Variants in ROBO2 observed in about 807,000 individuals in gnomAD.
ROBO2 encodes the protein roundabout homolog 2.
In ROBO2, 53 loss-of-function variants were observed where a neutral mutation model predicts 160.8. The observed-to-expected ratio is 0.33, with a 90% CI of 0.26 to 0.41. ROBO2 has a LOEUF of 0.41. Among genes scored for constraint, ROBO2 ranks in the 10% least tolerant of loss-of-function variants. The probability of loss-of-function intolerance (pLI) is 1.00; values close to 1 mark genes in which losing one functional copy is unlikely to be tolerated. For synonymous variants in ROBO2, 664 were observed against 611.7 expected, an observed-to-expected ratio of 1.09 and a Z score of -1.26; for missense variants, 1,577 against 1,722.4, an observed-to-expected ratio of 0.92 and a Z score of 1.49.
intron 2 of ROBO2, among the ~76,000 whole-genome samples, chr3:77,410,106 T>C (rs181349787): frequency 6.6e-6 from 1 of 152,280 alleles, no homozygotes; most frequent in Admixed American, 6.5e-5. Flanking sequence ...TGCCTGATGA[T>C]TTGAAAAGTA....
intron 2 of ROBO2, among the ~76,000 whole-genome samples, chr3:76,803,793 C>T (rs1173533751): frequency 6.6e-6 from 1 of 152,012 alleles, no homozygotes; most frequent in African/African-American, 2.4e-5. Context: ...TAACAACTTC[C>T]AGGAAATGTT....
At chr3:75,921,931 A>G (rs774126932) in intron 1 of ROBO2, among the ~76,000 whole-genome samples, 16 of 152,130 alleles carry the variant, frequency 1.1e-4, no homozygotes, top group Non-Finnish European at 2.2e-4. Context: ...CAGTTTCTGT[A>G]TAGTTCCCAC....
intron 2 of ROBO2, among the ~76,000 whole-genome samples, chr3:76,403,011 CAGAA>C (rs1238624294): frequency 6.6e-6 from 1 of 151,570 alleles, no homozygotes; most frequent in Non-Finnish European, 1.5e-5. Flanking sequence ...GAGACTCTGA[CAGAA>C]AGACTGGGGC....
chr3:76,340,139 T>G (rs909316200), intron 2 of ROBO2, among the ~76,000 whole-genome samples: 1 of 150,008 alleles, frequency 6.7e-6, no homozygotes, highest in African/African-American at 2.4e-5. Flanking sequence ...AATTACGTAA[T>G]AAGAAGCTAG....
chr3:76,622,188 AAGAAAGGAAGG>A (rs1339310118), intron 2 of ROBO2, among the ~76,000 whole-genome samples: 7 of 45,274 alleles, frequency 1.5e-4, no homozygotes, highest in Non-Finnish European at 8.9e-5. Context: ...TACTAAAAAA[AAGAAAGGAAGG>A]AAGGAAGGAA....
At chr3:76,522,944 A>G (rs1469863570) in intron 2 of ROBO2, among the ~76,000 whole-genome samples, 1 of 149,772 alleles carries the variant, frequency 6.7e-6, no homozygotes, top group Non-Finnish European at 1.5e-5. Context: ...AGCTGTATAT[A>G]TTACATAATT....
At chr3:76,627,534 A>G (rs941497155) in intron 2 of ROBO2, among the ~76,000 whole-genome samples, 1 of 152,248 alleles carries the variant, frequency 6.6e-6, no homozygotes, top group African/African-American at 2.4e-5. Flanking sequence ...CAGCAGTACA[A>G]ATTTATAAGA....
chr3:77,056,849 A>G (rs1330740439), intron 1 of ROBO2, among the ~76,000 whole-genome samples: 1 of 152,230 alleles, frequency 6.6e-6, no homozygotes, highest in Admixed American at 6.5e-5. Context: ...ATGAATATAT[A>G]CATGTCACAC....
In ROBO2 at chr3:77,644,687, T is replaced by C; in HGVS notation, c.3935-17T>C. The C allele has an allele frequency of 1.2e-6, 2 of 1,611,934 alleles. No homozygotes were observed. Among genetic ancestry groups the C allele is most frequent in the Non-Finnish European group, 1.7e-6 (2 of 1,178,630 alleles). ...GTTTCTGTTCAATTTAGCCTTTGGG[T>C]TTTTTTTCTTTTTCAGAGGAGGCCT... On this transcript the variant is annotated splice_polypyrimidine_tract_variant and intron_variant, in intron 24 of 25. Transcript: ENST00000461745.
intron 2 of ROBO2, among the ~76,000 whole-genome samples, chr3:76,230,703 C>CCTTCCTCTTT (rs11282176): frequency 0.91 from 137,899 of 151,876 alleles, 62,853 homozygotes; most frequent in Middle Eastern, 0.98. Flanking sequence ...CCAACCCTCT[C>CCTTCCTCTTT]CTTCTCACAC....
intron 2 of ROBO2, among the ~76,000 whole-genome samples, chr3:76,894,936 A>C (rs2148837322): frequency 6.6e-6 from 1 of 152,120 alleles, no homozygotes; most frequent in Non-Finnish European, 1.5e-5. Context: ...TAAGTAACAC[A>C]GTTTGGTTTT....
chr3:76,234,995 G>C (rs1452669281), intron 2 of ROBO2, among the ~76,000 whole-genome samples: 6 of 152,088 alleles, frequency 3.9e-5, no homozygotes, highest in African/African-American at 1.4e-4. Context: ...TGCTGGAGTG[G>C]TTTAAAACTC....
chr3:76,943,236 G>T (rs1414519597), intron 2 of ROBO2, among the ~76,000 whole-genome samples: 2 of 152,120 alleles, frequency 1.3e-5, no homozygotes, highest in Non-Finnish European at 2.9e-5. Flanking sequence ...CAGAGGACTG[G>T]CATTTGCGCT....
chr3:76,813,737 AT>A (rs1576793762), intron 2 of ROBO2, among the ~76,000 whole-genome samples: 1 of 152,168 alleles, frequency 6.6e-6, no homozygotes, highest in East Asian at 1.9e-4. Flanking sequence ...ACACATATGC[AT>A]TTTTTTCAGT....
chr3:77,404,099 ATGT>A (rs1409481846), intron 2 of ROBO2, among the ~76,000 whole-genome samples: 1 of 152,142 alleles, frequency 6.6e-6, no homozygotes, highest in Non-Finnish European at 1.5e-5. Flanking sequence ...GGCTGCAAAA[ATGT>A]TATATGACAG....
At chr3:76,578,730 T>C (rs1050007494) in intron 2 of ROBO2, among the ~76,000 whole-genome samples, 4 of 152,220 alleles carry the variant, frequency 2.6e-5, no homozygotes, top group Middle Eastern at 3.4e-3. Context: ...CTGTCCACCA[T>C]AGTGGATGAC....
intron 2 of ROBO2, among the ~76,000 whole-genome samples, chr3:77,435,074 A>G (rs2079146618): frequency 6.6e-6 from 1 of 152,052 alleles, no homozygotes; most frequent in South Asian, 2.1e-4. Context: ...GAACCCTATC[A>G]CACAAACTAA....
chr3:77,321,950 C>T (rs2064753608), intron 2 of ROBO2, among the ~76,000 whole-genome samples: 1 of 152,120 alleles, frequency 6.6e-6, no homozygotes, highest in African/African-American at 2.4e-5. Context: ...CGGGTATTTT[C>T]CATGCACATA....
intron 2 of ROBO2, among the ~76,000 whole-genome samples, chr3:76,233,354 G>A (rs1704738429): frequency 6.6e-6 from 1 of 152,090 alleles, no homozygotes; most frequent in South Asian, 2.1e-4. Context: ...ACGTTGGCCA[G>A]GCTGGTCTCA....
Sources: gnomAD v4.1 joint callset for allele counts (sites outside exome capture counted in the v4.1 genomes callset) on GRCh38, gnomAD v4.1.1 for gene constraint, MANE v1.5 for transcripts, NCBI Gene and HGNC (gene_info 2026-07-23, HGNC 2026-07-21) for gene names.